The following SYT2 variants were observed in gnomAD, a reference collection of about 807,000 sequenced individuals.
SYT2 encodes the protein synaptotagmin 2.
SYT2 carries 15 observed loss-of-function variants against 39.9 expected under a neutral mutation model. The observed-to-expected ratio is 0.38, with a 90% CI of 0.25 to 0.58. SYT2 has a LOEUF of 0.58. Among genes scored for constraint, SYT2 ranks in the 20% least tolerant of loss-of-function variants. The pLI is 0.70. For missense variants in SYT2, 389 were observed against 530.3 expected (o/e 0.73, Z 2.62); for synonymous variants, 181 against 204.5 (o/e 0.89, Z 0.98).
intron 1 of SYT2, among the ~76,000 whole-genome samples, chr1:202,706,567 C>T (rs755599657): frequency 4.6e-5 from 7 of 152,172 alleles, no homozygotes; most frequent in Admixed American, 2.6e-4. Flanking sequence ...GTGATTGACT[C>T]GCCCAAAATC....
intron 1 of SYT2, among the ~76,000 whole-genome samples, chr1:202,687,093 G>C (rs1653687100): frequency 6.6e-6 from 1 of 152,086 alleles, no homozygotes; most frequent in South Asian, 2.1e-4. Flanking sequence ...TGTGTCTTAA[G>C]CATCTTTATA....
chr1:202,682,417 GA>G (rs1200884324), intron 1 of SYT2, among the ~76,000 whole-genome samples: 1 of 152,232 alleles, frequency 6.6e-6, no homozygotes, highest in African/African-American at 2.4e-5. Flanking sequence ...TCACAAGGCA[GA>G]ATACAGCTCA....
rs1558419321 is a variant in SYT2 at position 202,596,294 on chromosome 1, C to CACACACACACAT, written c.*462_*463insATGTGTGTGTGT. On this transcript the variant is annotated 3_prime_UTR_variant, in exon 9 of 9. Coordinates refer to ENST00000367268, the MANE Select transcript of SYT2 (RefSeq NM_177402.5). ...ACACACACACACACACACACACACACACACACACACACATACACACACACA... is the reference window on the plus strand; with the variant it reads ...ACACACACACACACACACACACACACACACACACACATACACACACACACATACACACACACA... 6.7e-3 allele frequency: 576 copies of CACACACACACAT among 85,698 alleles called. 2 individuals are homozygous for CACACACACACAT. Among genetic ancestry groups the CACACACACACAT allele is most frequent in the Non-Finnish European group, 9.3e-3 (432 of 46,696 alleles). The allele number at this position is 85,698 out of a possible 1,614,324, so 5.3% of individuals were successfully genotyped here.
At chr1:202,600,599 C>A in intron 6 of SYT2, 125 bp from the exon 7 acceptor site, 1 of 786,706 alleles carries the variant, frequency 1.3e-6, no homozygotes, top group East Asian at 2.5e-5. Context: ...TCACCAGTCC[C>A]CATATATGTG....
chr1:202,681,504 C>T, intron 1 of SYT2, among the ~76,000 whole-genome samples: 1 of 152,214 alleles, frequency 6.6e-6, no homozygotes, highest in Non-Finnish European at 1.5e-5. Context: ...CTAAGAGGCT[C>T]CCCGCTGAAA....
At chr1:202,607,497 A>G (rs1466081464) in intron 1 of SYT2, among the ~76,000 whole-genome samples, 1 of 152,144 alleles carries the variant, frequency 6.6e-6, no homozygotes, top group Non-Finnish European at 1.5e-5. Context: ...TCTCCTCTAG[A>G]CTCAGGGTTC....
intron 1 of SYT2, among the ~76,000 whole-genome samples, chr1:202,631,658 G>A (rs942760702): frequency 2.6e-5 from 4 of 152,136 alleles, no homozygotes; most frequent in Non-Finnish European, 5.9e-5. Context: ...AACCCACTGC[G>A]GGGGTCTCCT....
At chr1:202,616,396 G>C (rs1380186445) in intron 1 of SYT2, among the ~76,000 whole-genome samples, 5 of 151,992 alleles carry the variant, frequency 3.3e-5, no homozygotes, top group Admixed American at 1.3e-4. Context: ...GCTGAGGCTG[G>C]ACCAGTCCAG....
chr1:202,684,604 C>T (rs1350274205), intron 1 of SYT2, among the ~76,000 whole-genome samples: 4 of 152,156 alleles, frequency 2.6e-5, no homozygotes, highest in Non-Finnish European at 5.9e-5. Context: ...CATGGGGGTG[C>T]AGGTGTCTCC....
chr1:202,593,262 A>G lies in SYT2; in HGVS notation c.*3495T>C, dbSNP rs1009859689. The G allele has an allele frequency of 6.6e-6, 1 of 152,172 alleles. No homozygotes were observed. 9.4% of individuals were successfully genotyped at this position (152,172 alleles called of 1,614,324 possible). On this transcript the variant is annotated 3_prime_UTR_variant, in exon 9 of 9. Coordinates refer to ENST00000367268, the MANE Select transcript of SYT2 (RefSeq NM_177402.5). ...GATGCCTTATGAATTAACCTAGGAC[A>G]TTAAGGGAACATGGAAGCTCTCACT...
intron 1 of SYT2, among the ~76,000 whole-genome samples, chr1:202,684,346 C>CTT (rs67646766): frequency 1.6e-4 from 23 of 147,448 alleles, no homozygotes; most frequent in South Asian, 2.1e-4. Context: ...ATTTATTCAG[C>CTT]TTTTTTTTTT....
chr1:202,597,092 T>G, intron 8 of SYT2, 129 bp from the exon 9 acceptor site: 1 of 744,734 alleles, frequency 1.3e-6, no homozygotes, highest in Non-Finnish European at 2.2e-6. Context: ...TGGTTTCATC[T>G]CTGCTCCAGT....
At chr1:202,680,580 G>T (rs1210457172) in intron 1 of SYT2, among the ~76,000 whole-genome samples, 3 of 152,170 alleles carry the variant, frequency 2.0e-5, no homozygotes, top group Non-Finnish European at 4.4e-5. Flanking sequence ...AACCAATGGG[G>T]CAAGAAGATG....
At chr1:202,683,916 T>A (rs1039769296) in intron 1 of SYT2, among the ~76,000 whole-genome samples, 1 of 152,130 alleles carries the variant, frequency 6.6e-6, no homozygotes, top group Non-Finnish European at 1.5e-5. Flanking sequence ...GGCTGAAGGT[T>A]ACCCAGGTGT....
chr1:202,645,404 G>A (rs1387693662), intron 1 of SYT2, among the ~76,000 whole-genome samples: 1 of 152,182 alleles, frequency 6.6e-6, no homozygotes, highest in East Asian at 1.9e-4. Flanking sequence ...GAGGGAGGAT[G>A]GGACTCAAAT....
At chr1:202,706,419 G>A (rs975855940) in intron 1 of SYT2, among the ~76,000 whole-genome samples, 1 of 152,124 alleles carries the variant, frequency 6.6e-6, no homozygotes, top group African/African-American at 2.4e-5. Context: ...AGGATGAAAA[G>A]CACTTACTCC....
At position 202,593,266 on chromosome 1, in the gene SYT2, A is replaced by C. The variant is rs1690187028; in HGVS notation, c.*3491T>G. The C allele has an allele frequency of 6.6e-6, 1 of 152,200 alleles. No individual in the cohort carries two copies. The highest frequency in any genetic ancestry group is 2.4e-5 in the African/African-American group (1 of 41,426). The allele number at this position is 152,200 out of a possible 1,614,324, so 9.4% of individuals were successfully genotyped here. On this transcript the variant is annotated 3_prime_UTR_variant, in exon 9 of 9. Transcript: ENST00000367268. ...CCTTATGAATTAACCTAGGACATTA[A>C]GGGAACATGGAAGCTCTCACTCCCC...
chr1:202,687,923 G>GA (rs200542949), intron 1 of SYT2, among the ~76,000 whole-genome samples: 7,857 of 151,858 alleles, frequency 0.052, 296 homozygotes, highest in Non-Finnish European at 0.078. Flanking sequence ...ATAAGCAAGG[G>GA]AAAAAAAATG....
chr1:202,624,614 TGTC>T (rs1691305358), intron 1 of SYT2, among the ~76,000 whole-genome samples: 1 of 130,506 alleles, frequency 7.7e-6, no homozygotes, highest in African/African-American at 2.9e-5. Flanking sequence ...GTGTGTGTGG[TGTC>T]ATAGAGTGTG....
Sources: gnomAD v4.1 joint callset for allele counts (sites outside exome capture counted in the v4.1 genomes callset) on GRCh38, gnomAD v4.1.1 for gene constraint, MANE v1.5 for transcripts, NCBI Gene and HGNC (gene_info 2026-07-23, HGNC 2026-07-21) for gene names.